The following SPINK13 variants were observed in gnomAD, a reference collection of about 807,000 sequenced individuals.
SPINK13 encodes serine protease inhibitor Kazal-type 13.
A neutral mutation model predicts 11.0 loss-of-function variants in SPINK13; 11 were observed. The observed-to-expected ratio is 1.00, with a 90% confidence interval of 0.63 to 1.65. The LOEUF (loss-of-function observed/expected upper bound fraction) is 1.65, where lower values mean the gene tolerates loss of function less well. Ranked by LOEUF, SPINK13 falls within the 40% of genes most tolerant of loss-of-function variation. The probability of loss-of-function intolerance (pLI) is 0.00; values close to 1 mark genes in which losing one functional copy is unlikely to be tolerated. For synonymous variants in SPINK13, 31 were observed against 35.6 expected (o/e 0.87, Z 0.46); for missense variants, 113 against 117.7 (o/e 0.96, Z 0.19).
At chr5:148,283,470 C>T (rs1756547200) in intron 4 of SPINK13, among the ~76,000 whole-genome samples, 1 of 152,196 alleles carries the variant, frequency 6.6e-6, no homozygotes, top group Non-Finnish European at 1.5e-5. Flanking sequence ...GCCAAGCCTG[C>T]TGAGCCAACT....
intron 3 of SPINK13, among the ~76,000 whole-genome samples, chr5:148,275,081 C>T (rs953852566): frequency 2.6e-5 from 4 of 152,088 alleles, no homozygotes; most frequent in African/African-American, 4.8e-5. Context: ...GTTTGCTGCA[C>T]CCATCAACCT....
intron 3 of SPINK13, among the ~76,000 whole-genome samples, chr5:148,276,944 T>C (rs1305801434): frequency 6.6e-6 from 1 of 152,212 alleles, no homozygotes; most frequent in East Asian, 1.9e-4. Context: ...TATCCTCTCT[T>C]ATTTCCTTGA....
At chr5:148,280,550 G>A (rs1448687908) in intron 3 of SPINK13, among the ~76,000 whole-genome samples, 1 of 152,156 alleles carries the variant, frequency 6.6e-6, no homozygotes, top group African/African-American at 2.4e-5. Context: ...CCCCTCTTCT[G>A]CAGGTTGGCT....
intron 4 of SPINK13, among the ~76,000 whole-genome samples, chr5:148,285,699 T>TA (rs999452533): frequency 7.9e-5 from 12 of 151,312 alleles, no homozygotes; most frequent in East Asian, 5.8e-4. Context: ...TACCTCTTGG[T>TA]AAAAAAAAAT....
At chr5:148,272,393 G>GA (rs1398747567) in intron 2 of SPINK13, among the ~76,000 whole-genome samples, 1 of 152,148 alleles carries the variant, frequency 6.6e-6, no homozygotes, top group Non-Finnish European at 1.5e-5. Context: ...AAAAGTTTCA[G>GA]ATGATGGTGC....
Position 148,270,054 on chromosome 5 carries a change from G to C in SPINK13, c.-19G>C. The C allele has an allele frequency of 6.2e-7, 1 of 1,612,848 alleles. No individual in the cohort carries two copies. The highest frequency in any genetic ancestry group is 1.1e-5 in the South Asian group (1 of 90,820). The stretch of plus-strand genomic sequence containing the variant: ...CATGTTCACAGGCCTTATCAAAGAA[G>C]AGTCTTATATGAGATCAAATGGCTG... On this transcript the variant is annotated 5_prime_UTR_variant, in exon 2 of 5. Coordinates refer to ENST00000398450, the MANE Select transcript of SPINK13 (RefSeq NM_001040129.3).
intron 1 of SPINK13, among the ~76,000 whole-genome samples, chr5:148,269,392 T>C (rs1030382022): frequency 6.6e-6 from 1 of 152,140 alleles, no homozygotes; most frequent in Non-Finnish European, 1.5e-5. Flanking sequence ...TGTCATATGT[T>C]TTTTGTTTTT....
chr5:148,270,060 T>C lies in SPINK13; in HGVS notation c.-13T>C, dbSNP rs1756327115. The C allele has an allele frequency of 6.2e-7, 1 of 1,613,856 alleles. No individual in the cohort carries two copies. The highest frequency in any genetic ancestry group is 1.3e-5 in the African/African-American group (1 of 75,042). ...CACAGGCCTTATCAAAGAAGAGTCT[T>C]ATATGAGATCAAATGGCTGCCTTTC... On this transcript the variant is annotated 5_prime_UTR_variant, in exon 2 of 5. Coordinates refer to ENST00000398450, the MANE Select transcript of SPINK13 (RefSeq NM_001040129.3).
rs1308016153 is a variant in SPINK13, at chr5:148,282,208, G to C, written c.213G>C (p.Glu71Asp). 1 of 1,614,050 alleles carries C rather than the reference G, an allele frequency of 6.2e-7. No homozygotes were observed. The highest frequency in any genetic ancestry group is 8.5e-7 in the Non-Finnish European group (1 of 1,180,032). The stretch of plus-strand genomic sequence containing the variant: ...CAAATGGCCACACTTTCCAGAATGA[G>C]TGTTTCTTTTGTGTTGAACAGAGGT... ...CASNGHTFQN[E>D]CFFCVEQREF... The change falls in exon 4 of 5, where the codon GAG becomes GAC. Residue 71 changes from glutamate (E) to aspartate (D), a missense_variant. Physicochemically the swap from Glu to Asp is conservative, Grantham distance 45 (BLOSUM62 2). Coordinates refer to ENST00000398450, the MANE Select transcript of SPINK13 (RefSeq NM_001040129.3).
At chr5:148,281,692 G>T (rs949634008) in intron 3 of SPINK13, among the ~76,000 whole-genome samples, 1 of 152,170 alleles carries the variant, frequency 6.6e-6, no homozygotes, top group African/African-American at 2.4e-5. Flanking sequence ...TTCTGCATTG[G>T]TCTCACTGGG....
At position 148,270,100 on chromosome 5, in the gene SPINK13, T is replaced by A. The variant is rs565884765; in HGVS notation, c.28T>A (p.Phe10Ile). 2.4e-5 allele frequency: 38 copies of A among 1,614,088 alleles called. No homozygotes were observed. In the African/African-American group the frequency reaches 4.1e-4, roughly 18 times the overall value. Residue 10 changes from phenylalanine to isoleucine, a missense_variant, in exon 2 of 5, where the codon TTT (phenylalanine) becomes ATT (isoleucine). Transcript: ENST00000398450. ...GGCTGCCTTTCCCCACAAGATTATA[T>A]TTTTCCTGGTATGCTCTACTTTGAC... MAAFPHKII[F>I]FLVCSTLTHV...
At chr5:148,284,707 TG>T (rs2113378000) in intron 4 of SPINK13, among the ~76,000 whole-genome samples, 1 of 152,320 alleles carries the variant, frequency 6.6e-6, no homozygotes, top group South Asian at 2.1e-4. Context: ...GGCAGTGTTT[TG>T]AGGAAAAAGC....
chr5:148,274,170 A>T (rs557496135), intron 2 of SPINK13, among the ~76,000 whole-genome samples, 177 bp from the exon 3 acceptor site: 77 of 152,316 alleles, frequency 5.1e-4, no homozygotes, highest in South Asian at 3.1e-3. Context: ...AAAAAGAAAA[A>T]GTGGATAAAG....
In SPINK13 at chr5:148,281,934, A is replaced by C. The variant is rs117395364; in HGVS notation, c.109-170A>C. On this transcript the variant is annotated intron_variant, in intron 3 of 4. Coordinates refer to ENST00000398450, the MANE Select transcript of SPINK13 (RefSeq NM_001040129.3). ...ATGATAGGATGGGTGGGGACACTAC[A>C]ATCAGAAAAAGAAACTGGCCTGACA... Among the ~76,000 whole-genome samples the C allele has an allele frequency of 2.6e-5, 4 of 152,342 alleles. No individual in the cohort carries two copies. In the East Asian group the frequency reaches 7.7e-4, roughly 29 times the overall value.
intron 3 of SPINK13, 28 bp downstream of exon 3, chr5:148,274,412 T>C (rs1397236976): frequency 6.3e-7 from 1 of 1,589,056 alleles, no homozygotes; most frequent in Non-Finnish European, 8.6e-7. Flanking sequence ...AGTTCTAGGT[T>C]GTAATTCTAG....
At chr5:148,285,505 ATG>A (rs1756576757) in intron 4 of SPINK13, among the ~76,000 whole-genome samples, 1 of 152,202 alleles carries the variant, frequency 6.6e-6, no homozygotes, top group Non-Finnish European at 1.5e-5. Context: ...AAGGAACATT[ATG>A]TATTTAGAGA....
intron 3 of SPINK13, among the ~76,000 whole-genome samples, chr5:148,276,490 G>C (rs4367290): frequency 0.097 from 14,698 of 152,142 alleles, 1,905 homozygotes; most frequent in African/African-American, 0.28. Context: ...TGTAAGGAAG[G>C]GGTCCAGTTT....
At chr5:148,273,156 G>C (rs2113364169) in intron 2 of SPINK13, among the ~76,000 whole-genome samples, 1 of 151,938 alleles carries the variant, frequency 6.6e-6, no homozygotes, top group Middle Eastern at 3.4e-3. Flanking sequence ...CATGCATATT[G>C]TCTGCTCTTC....
At chr5:148,269,633 G>T (rs1322563494) in intron 1 of SPINK13, among the ~76,000 whole-genome samples, 1 of 152,132 alleles carries the variant, frequency 6.6e-6, no homozygotes, top group Non-Finnish European at 1.5e-5. Context: ...GTTTACACCT[G>T]TTACCTCAGA....
Sources: allele counts gnomAD v4.1 joint callset (sites outside exome capture counted in the v4.1 genomes callset), GRCh38; gene constraint gnomAD v4.1.1; transcripts MANE v1.5; gene names NCBI Gene and HGNC (gene_info 2026-07-23, HGNC 2026-07-21).